SNAPC1: variants seen among roughly 807,000 people sequenced by gnomAD.
SNAPC1 encodes the protein small nuclear RNA activating complex polypeptide 1.
Under a neutral mutation model 50.1 loss-of-function variants are expected in SNAPC1, and 42 were observed. The ratio of observed to expected loss-of-function variants is 0.84; its 90% CI spans 0.65 to 1.08. SNAPC1 has a LOEUF of 1.08. Among genes scored for constraint, SNAPC1 ranks in the 50% least tolerant of loss-of-function variants. The pLI is 0.00. For synonymous variants in SNAPC1, 164 were observed against 144.2 expected (o/e 1.14, Z -0.98); for missense variants, 477 against 427.3 (o/e 1.12, Z -1.02).
chr14:61,768,869 C>T (rs780640491), intron 4 of SNAPC1, 129 bp downstream of exon 4: 2 of 540,528 alleles, frequency 3.7e-6, no homozygotes, highest in Non-Finnish European at 6.6e-6. Context: ...GATGCTATTT[C>T]TCTAGAGTAT....
rs754758749 is a variant in SNAPC1, at chr14:61,768,608, A to C, written c.430-28A>C. The C allele has an allele frequency of 3.1e-5, 36 of 1,168,420 alleles. No individual in the cohort carries two copies. The African/African-American group carries it at 4.7e-4, about 15-fold the overall frequency. The allele number at this position is 1,168,420 out of a possible 1,614,324, so 72.4% of individuals were successfully genotyped here. On this transcript the variant is annotated intron_variant, in intron 3 of 9. Transcript: ENST00000216294. Reference sequence around the variant, plus strand: ...TAACAATACTGTTTAAAAGATACTCATTTAAAAAGACACGTATTATCACAT... The same window carrying C: ...TAACAATACTGTTTAAAAGATACTCCTTTAAAAAGACACGTATTATCACAT...
intron 8 of SNAPC1, among the ~76,000 whole-genome samples, chr14:61,790,673 T>C (rs2045145752): frequency 6.6e-6 from 1 of 152,128 alleles, no homozygotes; most frequent in Non-Finnish European, 1.5e-5. Flanking sequence ...TTTTCTCACA[T>C]GTCCAAGACC....
At chr14:61,769,886 G>A (rs1222264760) in intron 4 of SNAPC1, among the ~76,000 whole-genome samples, 2 of 152,172 alleles carry the variant, frequency 1.3e-5, no homozygotes, top group Non-Finnish European at 2.9e-5. Flanking sequence ...CAAAATCTCA[G>A]TACAGGGTTA....
intron 5 of SNAPC1, among the ~76,000 whole-genome samples, chr14:61,777,523 A>AC (rs1240008391): frequency 1.3e-5 from 2 of 151,992 alleles, no homozygotes; most frequent in Non-Finnish European, 2.9e-5. Flanking sequence ...GTTTGCAGAC[A>AC]CGTGCCACCA....
chr14:61,792,738 G>T, intron 8 of SNAPC1, 69 bp from the exon 9 acceptor site: 2 of 873,690 alleles, frequency 2.3e-6, no homozygotes, highest in Non-Finnish European at 3.4e-6. Flanking sequence ...GACAGTTTTT[G>T]TAAAATGTTT....
At position 61,788,355 on chromosome 14, in the gene SNAPC1, A is replaced by G. The variant is rs542804135; in HGVS notation, c.977-4452A>G. Among the ~76,000 whole-genome samples, 10 of 152,360 alleles carry G rather than the reference A, an allele frequency of 6.6e-5. No homozygotes were observed. The East Asian group carries it at 1.7e-3, about 26-fold the overall frequency. On this transcript the variant is annotated intron_variant, in intron 8 of 9. Transcript: ENST00000216294. ...TCATTAATCAAACGTTCATTTCCAT[A>G]CAGTGGAAAGGTGTTTTTGATTTTA...
At chr14:61,763,387 C>G (rs897195355) in intron 1 of SNAPC1, among the ~76,000 whole-genome samples, 1 of 151,952 alleles carries the variant, frequency 6.6e-6, no homozygotes, top group South Asian at 2.1e-4. Context: ...CGCTTGAATT[C>G]TCTGACTTGC....
chr14:61,795,202 A>T lies in SNAPC1; in HGVS notation c.*219A>T, dbSNP rs368710830. ...TCTTTAATGATTTGCATAAATGGAG[A>T]TAAAACTTGTATTTAGTATGTAATA... On this transcript the variant is annotated 3_prime_UTR_variant, in exon 10 of 10. Coordinates refer to ENST00000216294, the MANE Select transcript of SNAPC1 (RefSeq NM_003082.4). The T allele has an allele frequency of 2.0e-6, 1 of 498,746 alleles. No individual in the cohort carries two copies. The highest frequency in any genetic ancestry group is 3.5e-5 in the East Asian group (1 of 28,816). The allele number at this position is 498,746 out of a possible 1,614,324, so 30.9% of individuals were successfully genotyped here.
At chr14:61,785,174 A>C (rs1161649901) in intron 8 of SNAPC1, among the ~76,000 whole-genome samples, 1 of 152,166 alleles carries the variant, frequency 6.6e-6, no homozygotes, top group Non-Finnish European at 1.5e-5. Flanking sequence ...AGGCTGAGGC[A>C]GGTGGGTCAC....
Position 61,782,353 on chromosome 14 carries a change from A to G in SNAPC1, c.932A>G (p.Glu311Gly), listed in dbSNP as rs759620753. Residue 311 changes from glutamate (E) to glycine (G), a missense_variant, in exon 8 of 10, where the codon GAA (glutamate) becomes GGA (glycine). Coordinates refer to ENST00000216294, the MANE Select transcript of SNAPC1 (RefSeq NM_003082.4). Reference protein sequence around the residue: ...VKATRKKEKKERLKPAGRKMS... With the variant: ...VKATRKKEKKGRLKPAGRKMS... ...GCAACTAGGAAAAAAGAGAAGAAAG[A>G]AAGATTGAAACCAGCAGGAAGGAAG... 1.2e-6 allele frequency: 2 copies of G among 1,613,720 alleles called. No individual in the cohort carries two copies. The highest frequency in any genetic ancestry group is 1.7e-6 in the Non-Finnish European group (2 of 1,179,866).
intron 1 of SNAPC1, 31 bp downstream of exon 1, chr14:61,762,619 C>G (rs762332027): frequency 1.9e-6 from 3 of 1,611,748 alleles, no homozygotes; most frequent in Non-Finnish European, 1.7e-6. Context: ...ACCCGCCTCT[C>G]CCTGCCCGCA....
chr14:61,781,759 G>A (rs762747694), intron 7 of SNAPC1, among the ~76,000 whole-genome samples: 1 of 152,134 alleles, frequency 6.6e-6, no homozygotes, highest in African/African-American at 2.4e-5. Flanking sequence ...TTCCAAAATA[G>A]CATTTCATTA....
intron 3 of SNAPC1, among the ~76,000 whole-genome samples, chr14:61,767,697 C>T (rs961566609): frequency 5.9e-5 from 9 of 152,126 alleles, no homozygotes; most frequent in African/African-American, 2.2e-4. Flanking sequence ...CTCTTGACCT[C>T]GTGATCCACT....
chr14:61,792,278 T>A (rs1207134723), intron 8 of SNAPC1, among the ~76,000 whole-genome samples: 1 of 152,192 alleles, frequency 6.6e-6, no homozygotes, highest in African/African-American at 2.4e-5. Flanking sequence ...GTTGGGATAC[T>A]TCTTCAGGTA....
chr14:61,775,553 C>T (rs2045029353), intron 4 of SNAPC1, among the ~76,000 whole-genome samples: 1 of 152,152 alleles, frequency 6.6e-6, no homozygotes, highest in Non-Finnish European at 1.5e-5. Context: ...CACACCTGGC[C>T]TACCCTCTAT....
At position 61,795,557 on chromosome 14, in the gene SNAPC1, T is replaced by C. The variant is rs1367781338; in HGVS notation, c.*574T>C. ...ATTTTCTACTTCTGCAATTAAATATTCTTTAGTGCTTGTTTATTATTACTA... is the reference window on the plus strand; with the variant it reads ...ATTTTCTACTTCTGCAATTAAATATCCTTTAGTGCTTGTTTATTATTACTA... On this transcript the variant is annotated 3_prime_UTR_variant, in exon 10 of 10. Coordinates refer to ENST00000216294, the MANE Select transcript of SNAPC1 (RefSeq NM_003082.4). 6.6e-6 allele frequency: 1 copy of C among 152,468 alleles called. No homozygotes were observed. Among genetic ancestry groups the C allele is most frequent in the South Asian group, 2.1e-4 (1 of 4,834 alleles). The allele number at this position is 152,468 out of a possible 1,614,324, so 9.4% of individuals were successfully genotyped here.
intron 8 of SNAPC1, among the ~76,000 whole-genome samples, chr14:61,791,629 C>G (rs1263012785): frequency 1.3e-5 from 2 of 152,128 alleles, no homozygotes; most frequent in East Asian, 1.9e-4. Flanking sequence ...AGGTGGATCA[C>G]TTGAGGTCAG....
rs1566585420 is a variant in SNAPC1, at chr14:61,762,423, G to T, written c.-38G>T. ...GACCACCGCTGGCTAGTCCGTTAGA[G>T]GCGTGCGGGCTTCGGAGGCGTGCGG... On this transcript the variant is annotated 5_prime_UTR_variant, in exon 1 of 10. It adds an upstream start codon to the 5' untranslated region. Coordinates refer to ENST00000216294, the MANE Select transcript of SNAPC1 (RefSeq NM_003082.4). The T allele has an allele frequency of 6.2e-7, 1 of 1,603,834 alleles. No homozygotes were observed. Among genetic ancestry groups the T allele is most frequent in the Admixed American group, 1.7e-5 (1 of 59,740 alleles).
intron 1 of SNAPC1, among the ~76,000 whole-genome samples, chr14:61,765,405 A>T (rs183347044): frequency 6.6e-6 from 1 of 152,208 alleles, no homozygotes; most frequent in Non-Finnish European, 1.5e-5. Context: ...GTCAGGGCAC[A>T]GCTTGGTTTT....
Sources: allele counts gnomAD v4.1 joint callset (sites outside exome capture counted in the v4.1 genomes callset), GRCh38; gene constraint gnomAD v4.1.1; transcripts MANE v1.5; gene names NCBI Gene and HGNC (gene_info 2026-07-23, HGNC 2026-07-21).